The following PLEKHG1 variants were observed in gnomAD, a reference collection of about 807,000 sequenced individuals.
The protein encoded by PLEKHG1 is pleckstrin homology domain-containing family G member 1.
A neutral mutation model predicts 100.8 loss-of-function variants in PLEKHG1; 44 were observed. The observed-to-expected ratio is 0.44, with a 90% CI of 0.34 to 0.56. The LOEUF (loss-of-function observed/expected upper bound fraction) is 0.56. Ranked by LOEUF, PLEKHG1 falls within the 20% of genes least tolerant of loss-of-function variation. PLEKHG1 has a pLI of 0.01. For synonymous variants in PLEKHG1, 640 were observed against 662.5 expected (o/e 0.97, Z 0.52); for missense variants, 1,545 against 1,720.9 (o/e 0.90, Z 1.81).
intron 3 of PLEKHG1, among the ~76,000 whole-genome samples, chr6:150,777,320 T>C (rs1486024262): frequency 6.7e-6 from 1 of 149,860 alleles, no homozygotes; most frequent in Non-Finnish European, 1.5e-5. Flanking sequence ...ACATGTGCAG[T>C]TGCACATTAC....
chr6:150,786,360 A>T, intron 3 of PLEKHG1, 30 bp from the exon 5 acceptor site: 1 of 1,471,110 alleles, frequency 6.8e-7, no homozygotes, highest in South Asian at 1.1e-5. Flanking sequence ...ACTACAATCT[A>T]ATACTTCCTG....
chr6:150,673,472 A>C (rs1190738329), intron 3 of PLEKHG1, among the ~76,000 whole-genome samples: 1 of 152,170 alleles, frequency 6.6e-6, no homozygotes, highest in Non-Finnish European at 1.5e-5. Flanking sequence ...TCGAATCCTT[A>C]AATATATTCA....
At chr6:150,819,146 G>A (rs897773674) in intron 11 of PLEKHG1, among the ~76,000 whole-genome samples, 1 of 149,822 alleles carries the variant, frequency 6.7e-6, no homozygotes, top group African/African-American at 2.5e-5. Flanking sequence ...GCCGGGTGTG[G>A]TGGCTCACGC....
Position 150,790,687 on chromosome 6 carries a change from T to TA in PLEKHG1, c.582+4229dup, listed in dbSNP as rs1448933515. ...AACAAGAAGCTGTTTGAATCAACTG[T>TA]AGTATATCCACGTAATGAAGTACTG... On this transcript the variant is annotated intron_variant, in intron 4 of 15. Transcript: ENST00000358517. Among the ~76,000 whole-genome samples, 106 of 152,260 alleles carry TA rather than the reference T, an allele frequency of 7.0e-4. 1 individual carries two copies. The highest frequency in any genetic ancestry group is 2.5e-3 in the African/African-American group (103 of 41,562).
At chr6:150,807,929 A>T (rs532082033) in intron 7 of PLEKHG1, among the ~76,000 whole-genome samples, 1 of 152,202 alleles carries the variant, frequency 6.6e-6, no homozygotes, top group Non-Finnish European at 1.5e-5. Flanking sequence ...AGATTGTGCC[A>T]CTGCACTCCA....
At chr6:150,620,455 G>A (rs979302108) in intron 1 of PLEKHG1, among the ~76,000 whole-genome samples, 1 of 152,168 alleles carries the variant, frequency 6.6e-6, no homozygotes, top group Non-Finnish European at 1.5e-5. Context: ...TGTCCCCCCA[G>A]ACCCCTTCAG....
chr6:150,728,466 G>A lies in PLEKHG1; in HGVS notation c.-98-5118G>A, dbSNP rs561167474. Among the ~76,000 whole-genome samples, 34 of 152,164 alleles carry A rather than the reference G, an allele frequency of 2.2e-4. 1 individual carries two copies. The South Asian group carries it at 4.4e-3, about 20-fold the overall frequency. On this transcript the variant is annotated intron_variant, in intron 1 of 15. Coordinates refer to ENST00000358517, the Ensembl canonical transcript of PLEKHG1. ...AATAAAATTAGCTTGGTATGGTGGCGTGGTCCCAGCTATTTGGGAGGCTGA... is the reference window on the plus strand; with the variant it reads ...AATAAAATTAGCTTGGTATGGTGGCATGGTCCCAGCTATTTGGGAGGCTGA...
At chr6:150,701,452 TATATATATATATATA>T in intron 3 of PLEKHG1, among the ~76,000 whole-genome samples, 1 of 82,016 alleles carries the variant, frequency 1.2e-5, no homozygotes, top group Non-Finnish European at 2.0e-5. Context: ...TATATATATA[TATATATATATATATA>T]ATTATACTTT....
At chr6:150,688,980 A>G (rs1295259816) in intron 3 of PLEKHG1, among the ~76,000 whole-genome samples, 1 of 152,216 alleles carries the variant, frequency 6.6e-6, no homozygotes, top group African/African-American at 2.4e-5. Context: ...CAGTATTTTT[A>G]TAACTTTTTA....
upstream of PLEKHG1, among the ~76,000 whole-genome samples, chr6:150,719,652 T>C (rs1017121693): frequency 6.6e-6 from 1 of 152,148 alleles, no homozygotes. Context: ...GTGAGCTGGC[T>C]CTTCGTTGAG....
chr6:150,730,168 T>G (rs1031051800), intron 1 of PLEKHG1, among the ~76,000 whole-genome samples: 2 of 152,152 alleles, frequency 1.3e-5, no homozygotes, highest in African/African-American at 2.4e-5. Flanking sequence ...TCTGGAGAGA[T>G]AGATTCTTCT....
At chr6:150,695,943 A>G (rs1780527646) in intron 3 of PLEKHG1, among the ~76,000 whole-genome samples, 1 of 152,224 alleles carries the variant, frequency 6.6e-6, no homozygotes, top group Admixed American at 6.5e-5. Flanking sequence ...GGGCAGGAAA[A>G]TATAAAAATA....
intron 3 of PLEKHG1, among the ~76,000 whole-genome samples, chr6:150,699,387 C>CAA (rs1780676497): frequency 6.6e-6 from 1 of 152,232 alleles, no homozygotes; most frequent in Non-Finnish European, 1.5e-5. Context: ...TGAGGTTTCC[C>CAA]TCGTGCAACA....
chr6:150,653,756 AAG>A (rs1484454486), intron 3 of PLEKHG1, among the ~76,000 whole-genome samples: 5 of 152,184 alleles, frequency 3.3e-5, no homozygotes, highest in South Asian at 4.1e-4. Context: ...GCAAAAAAAA[AAG>A]AGTAAATATT....
exon 16 of PLEKHG1, chr6:150,840,151 T>G (rs1583231477): frequency 1.2e-6 from 2 of 1,614,238 alleles, no homozygotes; most frequent in African/African-American, 1.3e-5. Context: ...TCTGACCCTC[T>G]GCCAGGCTCT....
At chr6:150,635,063 A>T (rs369405096) in intron 1 of PLEKHG1, among the ~76,000 whole-genome samples, 47 of 152,314 alleles carry the variant, frequency 3.1e-4, no homozygotes, top group African/African-American at 1.0e-3. Context: ...ATCACCAGGA[A>T]CCAAAGGAAA....
intron 2 of PLEKHG1, among the ~76,000 whole-genome samples, chr6:150,734,352 A>C (rs1352046134): frequency 6.6e-6 from 1 of 152,196 alleles, no homozygotes; most frequent in Non-Finnish European, 1.5e-5. Context: ...GTGTTAATAA[A>C]TCCTACACCC....
chr6:150,725,664 GTTTTTGC>G (rs1781925516), intron 1 of PLEKHG1, among the ~76,000 whole-genome samples: 1 of 151,756 alleles, frequency 6.6e-6, no homozygotes, highest in Admixed American at 6.6e-5. Flanking sequence ...TCACTTGTCT[GTTTTTGC>G]TTTTTGCTGT....
chr6:150,830,449 C>T (rs1213929456), intron 14 of PLEKHG1, 133 bp from the exon 16 acceptor site: 2 of 656,404 alleles, frequency 3.0e-6, no homozygotes, highest in Non-Finnish European at 5.1e-6. Flanking sequence ...ACAGCAAGAC[C>T]CTATCTCAGA....
Sources: allele counts gnomAD v4.1 joint callset (sites outside exome capture counted in the v4.1 genomes callset), GRCh38; gene constraint gnomAD v4.1.1; transcripts MANE v1.5; gene names NCBI Gene and HGNC (gene_info 2026-07-23, HGNC 2026-07-21).